Variants in ENPP3 observed in about 807,000 individuals in gnomAD.
The protein encoded by ENPP3 is ectonucleotide pyrophosphatase/phosphodiesterase family member 3.
A neutral mutation model predicts 117.8 loss-of-function variants in ENPP3; 104 were observed. That is an observed-to-expected ratio of 0.88 (90% CI 0.75 to 1.04). The LOEUF (loss-of-function observed/expected upper bound fraction) is 1.04. Ranked by LOEUF, ENPP3 falls within the 50% of genes least tolerant of loss-of-function variation. ENPP3 has a pLI of 0.00. For synonymous variants in ENPP3, 380 were observed against 349.9 expected, an observed-to-expected ratio of 1.09 and a Z score of -0.96; for missense variants, 1,026 against 1,051.9, an observed-to-expected ratio of 0.98 and a Z score of 0.34.
chr6:131,672,699 T>G lies in ENPP3; in HGVS notation c.642+1372T>G, dbSNP rs935476924. ...TAAATATATACCATATATACATATA[T>G]GTATACATAAAATAGGGATTATGCA... is the stretch of plus-strand genomic sequence containing the variant. On this transcript the variant is annotated intron_variant, in intron 7 of 24. Coordinates refer to ENST00000357639, the MANE Select transcript of ENPP3 (RefSeq NM_005021.5). Among the ~76,000 whole-genome samples, 3 of 151,562 alleles carry G rather than the reference T, an allele frequency of 2.0e-5. No homozygotes were observed. In the East Asian group the frequency reaches 5.8e-4, roughly 29 times the overall value.
chr6:131,697,465 G>T (rs756574395), intron 15 of ENPP3, among the ~76,000 whole-genome samples: 1 of 151,540 alleles, frequency 6.6e-6, no homozygotes, highest in African/African-American at 2.4e-5. Flanking sequence ...TGATTCAAGC[G>T]CATGACGTTT....
At chr6:131,709,772 G>T in intron 15 of ENPP3, 1 of 1,613,868 alleles carries the variant, frequency 6.2e-7, no homozygotes, top group Non-Finnish European at 8.5e-7. Context: ...ACTCTAGAAA[G>T]CTTCTCTTCT....
rs776271942 is a variant in ENPP3, at chr6:131,650,090, T to A, written c.218T>A (p.Val73Glu). 2 of 1,614,096 alleles carry A rather than the reference T, an allele frequency of 1.2e-6. No homozygotes were observed. Among genetic ancestry groups the A allele is most frequent in the South Asian group, 2.2e-5 (2 of 91,088 alleles). Reference protein sequence around the residue: ...FRGLENCRCDVACKDRGDCCW... With the variant: ...FRGLENCRCDEACKDRGDCCW... ...GGACTGGAGAACTGCCGGTGTGATGTGGCATGTAAAGACCGAGGTGATTGC... is the reference window on the plus strand; with the variant it reads ...GGACTGGAGAACTGCCGGTGTGATGAGGCATGTAAAGACCGAGGTGATTGC... The change falls in exon 3 of 25, where the codon GTG becomes GAG. Residue 73 changes from valine (V) to glutamate (E), a missense_variant. Physicochemically the swap from Val to Glu is moderately radical, Grantham distance 121 (BLOSUM62 -2). Transcript: ENST00000357639.
intron 11 of ENPP3, 23 bp downstream of exon 11, chr6:131,677,963 GAAA>G: frequency 5.9e-6 from 7 of 1,178,478 alleles, no homozygotes; most frequent in Admixed American, 4.7e-5. Context: ...TTTCTTAAAA[GAAA>G]AAAAAAAATG....
At chr6:131,724,555 A>G (rs1182709077) in intron 19 of ENPP3, among the ~76,000 whole-genome samples, 1 of 152,200 alleles carries the variant, frequency 6.6e-6, no homozygotes, top group Non-Finnish European at 1.5e-5. Context: ...CTGTAGCAAT[A>G]TTATTATTAC....
intron 15 of ENPP3, among the ~76,000 whole-genome samples, chr6:131,715,675 C>A (rs1311057429): frequency 6.6e-6 from 1 of 152,078 alleles, no homozygotes; most frequent in Non-Finnish European, 1.5e-5. Flanking sequence ...AGCAGCCACT[C>A]TCCTGGAGTA....
At chr6:131,647,107 C>T (rs959183519) in intron 2 of ENPP3, among the ~76,000 whole-genome samples, 2 of 151,788 alleles carry the variant, frequency 1.3e-5, no homozygotes, top group African/African-American at 4.8e-5. Context: ...CTCCTGAGCT[C>T]AGGTGATCTG....
Position 131,722,228 on chromosome 6 carries a change from T to C in ENPP3, c.1569T>C (p.Asp523=), listed in dbSNP as rs769426924. The C allele has an allele frequency of 6.2e-6, 10 of 1,608,120 alleles. No homozygotes were observed. The Admixed American group carries it at 1.7e-4, about 28-fold the overall frequency. Residue 523 remains aspartate (D), a splice_region_variant and synonymous_variant, in exon 18 of 25, where the codon GAT becomes GAC. Transcript: ENST00000357639. ...TGAACTAATTTTTTCAAAAAACAGA[T>C]CTTCTACGCATTCAACCAGCACCAA... ...ENIEVYNLMC[D]LLRIQPAPNN...
intron 23 of ENPP3, among the ~76,000 whole-genome samples, chr6:131,738,516 C>T (rs1044276970): frequency 1.3e-5 from 2 of 151,744 alleles, no homozygotes; most frequent in Non-Finnish European, 2.9e-5. Context: ...AAAAAAAAGT[C>T]GAGTAAAGGC....
chr6:131,735,952 A>T (rs1780388358), intron 21 of ENPP3, among the ~76,000 whole-genome samples: 1 of 152,234 alleles, frequency 6.6e-6, no homozygotes, highest in Non-Finnish European at 1.5e-5. Flanking sequence ...AAAAATTGTT[A>T]ACAGAGTAGA....
chr6:131,742,035 C>G (rs1467723485), intron 24 of ENPP3, among the ~76,000 whole-genome samples: 2 of 152,102 alleles, frequency 1.3e-5, no homozygotes, highest in African/African-American at 4.8e-5. Flanking sequence ...TACTTCTTGA[C>G]AGGGAGGGTG....
At chr6:131,697,349 G>A (rs956718409) in intron 15 of ENPP3, among the ~76,000 whole-genome samples, 6 of 148,890 alleles carry the variant, frequency 4.0e-5, no homozygotes, top group African/African-American at 7.4e-5. Flanking sequence ...CTACATGGAC[G>A]AGGATGGTCT....
At chr6:131,642,079 G>T (rs1225251748) in intron 2 of ENPP3, among the ~76,000 whole-genome samples, 1 of 152,042 alleles carries the variant, frequency 6.6e-6, no homozygotes, top group African/African-American at 2.4e-5. Flanking sequence ...ACAGGTGTGA[G>T]TTGCCGCGCC....
chr6:131,670,923 T>C (rs1778725752), intron 6 of ENPP3, among the ~76,000 whole-genome samples: 2 of 152,210 alleles, frequency 1.3e-5, no homozygotes, highest in East Asian at 3.8e-4. Context: ...TGTTTATTTA[T>C]TGTCTATGGA....
intron 6 of ENPP3, among the ~76,000 whole-genome samples, chr6:131,659,135 T>C (rs893274990): frequency 6.6e-6 from 1 of 152,188 alleles, no homozygotes; most frequent in Non-Finnish European, 1.5e-5. Context: ...CTTCACACAA[T>C]TTAATAAAGG....
At chr6:131,659,284 T>G (rs1285216865) in intron 6 of ENPP3, among the ~76,000 whole-genome samples, 1 of 150,196 alleles carries the variant, frequency 6.7e-6, no homozygotes, top group East Asian at 1.9e-4. Context: ...CTCATCTCTA[T>G]TTAATAATAA....
At chr6:131,718,550 CTGT>C (rs1305878094) in intron 15 of ENPP3, 119 bp from the exon 16 acceptor site, 5 of 437,542 alleles carry the variant, frequency 1.1e-5, no homozygotes, top group East Asian at 7.1e-5. Context: ...ATATATTATT[CTGT>C]TGTTGATAAA....
intron 12 of ENPP3, among the ~76,000 whole-genome samples, chr6:131,683,749 G>GTTTTT (rs397940601): frequency 1.6e-5 from 2 of 126,592 alleles, no homozygotes; most frequent in African/African-American, 6.2e-5. Flanking sequence ...CACTCTACAG[G>GTTTTT]TTTTTTTTTT....
intron 13 of ENPP3, 144 bp downstream of exon 13, chr6:131,685,639 CA>C: frequency 1.3e-6 from 1 of 779,728 alleles, no homozygotes; most frequent in South Asian, 1.8e-5. Flanking sequence ...GGGAAATTCC[CA>C]TGCTTAAGTA....
Sources: gnomAD v4.1 joint callset for allele counts (sites outside exome capture counted in the v4.1 genomes callset) on GRCh38, gnomAD v4.1.1 for gene constraint, MANE v1.5 for transcripts, NCBI Gene and HGNC (gene_info 2026-07-23, HGNC 2026-07-21) for gene names.